CNTN5: variants seen among roughly 807,000 people sequenced by gnomAD.
CNTN5 encodes contactin 5.
In CNTN5, 77 loss-of-function variants were observed where a neutral mutation model predicts 129.1. That is an observed-to-expected ratio of 0.60 (90% CI 0.50 to 0.72). The LOEUF is 0.72. Among genes scored for constraint, CNTN5 ranks in the 30% least tolerant of loss-of-function variants. The pLI, the probability that CNTN5 is intolerant of heterozygous loss-of-function variation, is 0.00. For missense variants in CNTN5, 1,478 were observed against 1,328.8 expected (o/e 1.11, Z -1.75); for synonymous variants, 509 against 465.6 (o/e 1.09, Z -1.20).
chr11:99,340,024 A>C (rs1162209864), intron 2 of CNTN5, among the ~76,000 whole-genome samples: 1 of 152,184 alleles, frequency 6.6e-6, no homozygotes, highest in East Asian at 1.9e-4. Context: ...GTCGTGATTT[A>C]ATTTACATTT....
Position 99,433,315 on chromosome 11 carries a change from A to G in CNTN5, c.-71+107831A>G, listed in dbSNP as rs1943465776. 2.0e-5 allele frequency among the ~76,000 whole-genome samples: 3 copies of G among 150,376 alleles called. No homozygotes were observed. The Admixed American group carries it at 2.0e-4, about 10-fold the overall frequency. On this transcript the variant is annotated intron_variant, in intron 2 of 24. Transcript: ENST00000524871. ...CTACTGACTGACTGATTTCAGAGAG[A>G]ACAGAGAAAAAACTGTAATCATAAT...
chr11:99,042,365 C>CTTTTTTTTTTTTTTTTTTTTTTTTT (rs1210153589), intron 1 of CNTN5, among the ~76,000 whole-genome samples: 1 of 83,798 alleles, frequency 1.2e-5, no homozygotes. Context: ...TCTTCTTCTT[C>CTTTTTTTTTTTTTTTTTTTTTTTTT]TTTTTTTTTT....
chr11:99,779,964 A>G (rs1176876231), intron 3 of CNTN5, among the ~76,000 whole-genome samples: 1 of 151,996 alleles, frequency 6.6e-6, no homozygotes, highest in Non-Finnish European at 1.5e-5. Context: ...TGGCGCAATG[A>G]TCCTTTCCAC....
chr11:99,772,477 C>T (rs904658371), intron 3 of CNTN5, among the ~76,000 whole-genome samples: 90 of 152,106 alleles, frequency 5.9e-4, no homozygotes, highest in African/African-American at 2.1e-3. Flanking sequence ...CTGTAAAAAT[C>T]CCCATTGATT....
intron 6 of CNTN5, among the ~76,000 whole-genome samples, 156 bp downstream of exon 6, chr11:99,845,418 G>A (rs1161775387): frequency 8.0e-6 from 1 of 124,698 alleles, no homozygotes; most frequent in Non-Finnish European, 1.6e-5. Context: ...TGTCGCCCAG[G>A]CTGGAGTGCA....
At chr11:100,057,808 C>A (rs1943298087) in intron 9 of CNTN5, among the ~76,000 whole-genome samples, 1 of 151,914 alleles carries the variant, frequency 6.6e-6, no homozygotes, top group African/African-American at 2.4e-5. Context: ...TATATTCATA[C>A]CATATAAATT....
intron 8 of CNTN5, among the ~76,000 whole-genome samples, chr11:99,983,578 G>C (rs534908676): frequency 1.3e-5 from 2 of 152,208 alleles, no homozygotes; most frequent in Non-Finnish European, 2.9e-5. Context: ...AAAAACTCTA[G>C]TAGTAGTAGG....
At chr11:99,311,174 G>A (rs1015934610) in intron 1 of CNTN5, among the ~76,000 whole-genome samples, 3 of 151,894 alleles carry the variant, frequency 2.0e-5, no homozygotes, top group Non-Finnish European at 2.9e-5. Flanking sequence ...TGATCCGCCC[G>A]CCTCGGCCTC....
intron 2 of CNTN5, among the ~76,000 whole-genome samples, chr11:99,474,297 C>A (rs28427147): frequency 6.6e-6 from 1 of 151,582 alleles, no homozygotes; most frequent in Non-Finnish European, 1.5e-5. Context: ...CAAAATTTTC[C>A]TAAAACCATC....
At chr11:99,986,344 C>T (rs1267740034) in intron 8 of CNTN5, among the ~76,000 whole-genome samples, 2 of 152,092 alleles carry the variant, frequency 1.3e-5, no homozygotes, top group African/African-American at 4.8e-5. Context: ...GAAAAAAATA[C>T]ATAATTTTGA....
At chr11:99,155,535 T>A (rs1030650345) in intron 1 of CNTN5, among the ~76,000 whole-genome samples, 2 of 152,188 alleles carry the variant, frequency 1.3e-5, no homozygotes, top group Non-Finnish European at 2.9e-5. Flanking sequence ...ATTATTTGCA[T>A]TATAATTTGT....
chr11:100,082,604 T>C (rs1178733107), intron 13 of CNTN5, among the ~76,000 whole-genome samples: 1 of 152,120 alleles, frequency 6.6e-6, no homozygotes, highest in Non-Finnish European at 1.5e-5. Flanking sequence ...CTGTGGGCTT[T>C]TTTAATTACA....
At chr11:99,686,692 T>C (rs558344420) in intron 3 of CNTN5, among the ~76,000 whole-genome samples, 1 of 152,240 alleles carries the variant, frequency 6.6e-6, no homozygotes, top group Non-Finnish European at 1.5e-5. Flanking sequence ...TTTCGGGGAC[T>C]TTAGGTGTCA....
intron 6 of CNTN5, among the ~76,000 whole-genome samples, chr11:99,879,236 C>G (rs987521191): frequency 1.3e-5 from 2 of 152,008 alleles, no homozygotes; most frequent in Non-Finnish European, 2.9e-5. Context: ...CCGTGCCTGG[C>G]CAGTGAAGAT....
intron 18 of CNTN5, among the ~76,000 whole-genome samples, chr11:100,289,135 A>G (rs1035223675): frequency 2.5e-4 from 38 of 152,104 alleles, no homozygotes; most frequent in Middle Eastern, 6.8e-3. Context: ...CCAACCAAAA[A>G]GAGTCCAGGA....
chr11:99,693,653 T>G (rs74316450), intron 3 of CNTN5, among the ~76,000 whole-genome samples: 56 of 152,056 alleles, frequency 3.7e-4, no homozygotes, highest in African/African-American at 1.3e-3. Flanking sequence ...AATACCCAAA[T>G]TGAGTAGTTG....
At chr11:99,093,588 G>A (rs113160166) in intron 1 of CNTN5, among the ~76,000 whole-genome samples, 1 of 151,918 alleles carries the variant, frequency 6.6e-6, no homozygotes, top group East Asian at 1.9e-4. Context: ...ACAATGCAGA[G>A]GGTAAGAAAA....
intron 6 of CNTN5, among the ~76,000 whole-genome samples, chr11:99,867,842 T>G (rs1348028177): frequency 6.6e-6 from 1 of 152,220 alleles, no homozygotes; most frequent in African/African-American, 2.4e-5. Flanking sequence ...TGAATTGTTT[T>G]GCCTACTACC....
chr11:99,204,877 A>G (rs774572823), intron 1 of CNTN5, among the ~76,000 whole-genome samples: 13 of 152,192 alleles, frequency 8.5e-5, no homozygotes, highest in Non-Finnish European at 1.8e-4. Context: ...TTTCTGAGGC[A>G]TTTTAAGCTT....
Sources: gnomAD v4.1 joint callset for allele counts (sites outside exome capture counted in the v4.1 genomes callset) on GRCh38, gnomAD v4.1.1 for gene constraint, MANE v1.5 for transcripts, NCBI Gene and HGNC (gene_info 2026-07-23, HGNC 2026-07-21) for gene names.